GK5: variants seen among roughly 807,000 people sequenced by gnomAD.
The protein encoded by GK5 is glycerol kinase 5, also known as ATP:glycerol 3-phosphotransferase 5.
A neutral mutation model predicts 77.3 loss-of-function variants in GK5; 39 were observed. The ratio of observed to expected loss-of-function variants is 0.50; its 90% CI spans 0.39 to 0.66. GK5 has a LOEUF of 0.66. Among genes scored for constraint, GK5 ranks in the 30% least tolerant of loss-of-function variants. The probability of loss-of-function intolerance (pLI) is 0.00; values close to 1 mark genes in which losing one functional copy is unlikely to be tolerated. For synonymous variants in GK5, 211 were observed against 208.0 expected (o/e 1.01, Z -0.13); for missense variants, 487 against 633.8 (o/e 0.77, Z 2.49).
intron 10 of GK5, 121 bp downstream of exon 10, chr3:142,182,802 A>C: frequency 3.1e-6 from 2 of 638,774 alleles, no homozygotes; most frequent in South Asian, 2.5e-5. Context: ...AACTGTCTTT[A>C]AGAATAATAA....
intron 5 of GK5, among the ~76,000 whole-genome samples, chr3:142,188,837 A>G (rs9811362): frequency 0.052 from 7,945 of 152,300 alleles, 403 homozygotes; most frequent in African/African-American, 0.13. Flanking sequence ...TAACAGGCCG[A>G]TTCTTGGCAT....
At chr3:142,186,721 C>T (rs1056317000) in intron 6 of GK5, among the ~76,000 whole-genome samples, 2 of 151,030 alleles carry the variant, frequency 1.3e-5, no homozygotes, top group Non-Finnish European at 2.9e-5. Flanking sequence ...ACCTCTGCCT[C>T]CCGGGTTCAA....
chr3:142,169,114 T>G (rs1312893569), intron 15 of GK5, among the ~76,000 whole-genome samples: 3 of 152,214 alleles, frequency 2.0e-5, no homozygotes, highest in Admixed American at 2.0e-4. Flanking sequence ...TGGCTTTTAA[T>G]CCCTTTATTG....
intron 11 of GK5, among the ~76,000 whole-genome samples, chr3:142,177,791 A>T (rs73872592): frequency 0.028 from 4,236 of 152,022 alleles, 199 homozygotes; most frequent in African/African-American, 0.096. Flanking sequence ...GGCCCATAGA[A>T]GGGAGACAGG....
chr3:142,198,699 A>T, intron 5 of GK5, 103 bp downstream of exon 5: 1 of 1,025,952 alleles, frequency 9.7e-7, no homozygotes, highest in Non-Finnish European at 1.4e-6. Flanking sequence ...TCCCTCAAAT[A>T]ATCAAATTAC....
At chr3:142,223,558 G>A (rs2064384526) in intron 1 of GK5, among the ~76,000 whole-genome samples, 1 of 152,254 alleles carries the variant, frequency 6.6e-6, no homozygotes, top group Non-Finnish European at 1.5e-5. Context: ...CTGAATGGAG[G>A]CCGGGCACAG....
At position 142,183,020 on chromosome 3, in the gene GK5, T is replaced by C. The variant is rs2063718204; in HGVS notation, c.846A>G (p.Gly282=). ...LVADQQSAMF[G]ECCFQTGDVK... ...CATCACCTGTCTGGAAGCAGCACTC[T>C]CCAAACATGGCTGATTGCTGGTCAG... The change falls in exon 10 of 16, where the codon GGA becomes GGG. Residue 282 remains glycine (G), a synonymous_variant. Coordinates refer to ENST00000392993, the MANE Select transcript of GK5 (RefSeq NM_001039547.3). 1.9e-6 allele frequency: 3 copies of C among 1,613,894 alleles called. No individual in the cohort carries two copies. The highest frequency in any genetic ancestry group is 2.2e-5 in the East Asian group (1 of 44,880).
chr3:142,179,064 C>T (rs1417313751), intron 11 of GK5, among the ~76,000 whole-genome samples: 2 of 150,208 alleles, frequency 1.3e-5, no homozygotes, highest in African/African-American at 5.0e-5. Context: ...TGTAAAGTGA[C>T]TTCTGAATGA....
intron 1 of GK5, among the ~76,000 whole-genome samples, chr3:142,223,203 T>C (rs976389808): frequency 6.6e-6 from 1 of 152,244 alleles, no homozygotes; most frequent in Non-Finnish European, 1.5e-5. Flanking sequence ...CCAAATTATA[T>C]ATTAACTGTG....
In GK5 at chr3:142,182,941, G is replaced by A. The variant is rs775069994; in HGVS notation, c.925C>T (p.Leu309Phe). Reference protein sequence around the residue: ...TFLDINTGNSLQQTTGGFYPL... With the variant: ...TFLDINTGNSFQQTTGGFYPL... ...TACTTACCTCCAGTAGTCTGTTGAA[G>A]GCTATTTCCAGTGTTAATATCCAAA... The change falls in exon 10 of 16, where the codon CTT becomes TTT. Residue 309 changes from leucine (L) to phenylalanine (F), a missense_variant. Physicochemically the swap from Leu to Phe is conservative, Grantham distance 22. This residue lies in a region of GK5 where 323 missense variants were observed against 437.4 expected (regional missense o/e 0.74). Transcript: ENST00000392993. 1 of 1,609,884 alleles carries A rather than the reference G, an allele frequency of 6.2e-7. No homozygotes were observed. The highest frequency in any genetic ancestry group is 8.5e-7 in the Non-Finnish European group (1 of 1,176,290).
intron 3 of GK5, among the ~76,000 whole-genome samples, chr3:142,207,965 G>C (rs1014354521): frequency 1.3e-5 from 2 of 152,108 alleles, no homozygotes; most frequent in Non-Finnish European, 2.9e-5. Context: ...ATTATCATGA[G>C]TACAAATCAG....
At chr3:142,225,171 G>A in intron 1 of GK5, 138 bp downstream of exon 1, 1 of 926,464 alleles carries the variant, frequency 1.1e-6, no homozygotes, top group Non-Finnish European at 1.5e-6. Context: ...GCGCCGTTCT[G>A]GCCCCAGGGC....
At chr3:142,197,807 G>A (rs1443725019) in intron 5 of GK5, among the ~76,000 whole-genome samples, 3 of 151,526 alleles carry the variant, frequency 2.0e-5, no homozygotes, top group Admixed American at 6.6e-5. Flanking sequence ...GGCAGATCAC[G>A]AGGTCAGGAG....
chr3:142,170,388 C>T lies in GK5; in HGVS notation c.1378G>A (p.Asp460Asn), dbSNP rs890095096. 1 of 1,613,992 alleles carries T rather than the reference C, an allele frequency of 6.2e-7. No homozygotes were observed. Among genetic ancestry groups the T allele is most frequent in the Admixed American group, 1.7e-5 (1 of 60,024 alleles). ...MTSDLINENIDRPADIDMSCL... is the reference protein window; with the variant it reads ...MTSDLINENINRPADIDMSCL... ...GACATGTCAATGTCGGCAGGTCTGT[C>T]TATATTCTCATTAATCAGGTCTGAA... is the stretch of plus-strand genomic sequence containing the variant. Residue 460 changes from aspartate (D) to asparagine (N), a missense_variant, in exon 15 of 16, where the codon GAC becomes AAC. This residue lies in a region of GK5 where 65 missense variants were observed against 89.9 expected (regional missense o/e 0.72). Coordinates refer to ENST00000392993, the MANE Select transcript of GK5 (RefSeq NM_001039547.3).
rs968182822 is a variant in GK5 at position 142,225,421 on chromosome 3, G to A, written c.35C>T (p.Ala12Val). The A allele has an allele frequency of 1.2e-6, 2 of 1,601,386 alleles. No homozygotes were observed. Among genetic ancestry groups the A allele is most frequent in the Non-Finnish European group, 8.5e-7 (1 of 1,176,776 alleles). The change falls in exon 1 of 16, where the codon GCG becomes GTG. Residue 12 changes from alanine (A) to valine (V), a missense_variant. This residue lies in a region of GK5 where 97 missense variants were observed against 86.9 expected (regional missense o/e 1.12). Coordinates refer to ENST00000392993, the MANE Select transcript of GK5 (RefSeq NM_001039547.3). ...GAAGCCGGGGTACCGCGGCTCCTGC[G>A]CTCTCTGCTCCGGGTCCGTGAGCAG... ...SGLLTDPEQR[A>V]QEPRYPGFVL...
At position 142,159,849 on chromosome 3, in the gene GK5, C is replaced by CTTTTTTTTTTTTTT. The variant is rs1399191009; in HGVS notation, c.*5772_*5773insAAAAAAAAAAAAAA. 66 of 104,802 alleles carry CTTTTTTTTTTTTTT rather than the reference C, an allele frequency of 6.3e-4. 2 individuals are homozygous for CTTTTTTTTTTTTTT. The highest frequency in any genetic ancestry group is 2.6e-3 in the African/African-American group (63 of 24,606). 6.5% of individuals were successfully genotyped at this position (104,802 alleles called of 1,614,324 possible). ...GGGCTTTCTCTCTCTCTCTCTCTCT[C>CTTTTTTTTTTTTTT]TCTCTTTTTTTTTTTTGAGACAGAG... On this transcript the variant is annotated 3_prime_UTR_variant, in exon 16 of 16. Transcript: ENST00000392993.
At chr3:142,194,254 G>A (rs1013119553) in intron 5 of GK5, among the ~76,000 whole-genome samples, 9 of 151,968 alleles carry the variant, frequency 5.9e-5, no homozygotes, top group Non-Finnish European at 1.2e-4. Flanking sequence ...GGCCAGGCAC[G>A]GTGACTCACA....
In GK5 at chr3:142,180,917, G is replaced by T. The variant is rs114250638; in HGVS notation, c.1048+544C>A. Among the ~76,000 whole-genome samples, 1,373 of 152,228 alleles carry T rather than the reference G, an allele frequency of 9.0e-3. 22 individuals carry two copies. Among genetic ancestry groups the T allele is most frequent in the African/African-American group, 0.029 (1,214 of 41,532 alleles). The stretch of plus-strand genomic sequence containing the variant: ...TATGACCCTAAACAACAAGCTTAAG[G>T]CTTTGAGAACTAATCTCCAGGCAAA... On this transcript the variant is annotated intron_variant, in intron 11 of 15. Coordinates refer to ENST00000392993, the MANE Select transcript of GK5 (RefSeq NM_001039547.3).
chr3:142,194,447 G>A (rs1386219967), intron 5 of GK5, among the ~76,000 whole-genome samples: 1 of 151,798 alleles, frequency 6.6e-6, no homozygotes, highest in Non-Finnish European at 1.5e-5. Flanking sequence ...AATCACTTGA[G>A]CCTGGGACGC....
Sources: gnomAD v4.1 joint callset for allele counts (sites outside exome capture counted in the v4.1 genomes callset) on GRCh38, gnomAD v4.1.1 for gene constraint, gnomAD v4.1.1 regional missense constraint, MANE v1.5 for transcripts, NCBI Gene and HGNC (gene_info 2026-07-23, HGNC 2026-07-21) for gene names.